The following CLCN7 variants were observed in gnomAD, a reference collection of about 807,000 sequenced individuals.
The protein encoded by CLCN7 is Cl-/H+ antiporter 7.
CLCN7 carries 60 observed loss-of-function variants against 102.1 expected under a neutral mutation model. The observed-to-expected ratio is 0.59, with a 90% CI of 0.48 to 0.73. CLCN7 has a LOEUF of 0.73. Among genes scored for constraint, CLCN7 ranks in the 30% least tolerant of loss-of-function variants. CLCN7 has a pLI of 0.00. For missense variants in CLCN7, 962 were observed against 1,125.7 expected (o/e 0.85, Z 2.08); for synonymous variants, 560 against 490.5 (o/e 1.14, Z -1.87).
intron 1 of CLCN7, among the ~76,000 whole-genome samples, chr16:1,468,909 G>C (rs1240790077): frequency 6.6e-6 from 1 of 152,028 alleles, no homozygotes; most frequent in South Asian, 2.1e-4. Flanking sequence ...GTCAAAAAAG[G>C]GCTGGGCACA....
intron 1 of CLCN7, 65 bp from the exon 2 acceptor site, chr16:1,465,403 C>A: frequency 7.0e-7 from 1 of 1,429,200 alleles, no homozygotes; most frequent in Non-Finnish European, 9.7e-7. Flanking sequence ...TGGATTCTCA[C>A]TCCCGCCGCC....
chr16:1,464,893 G>A (rs925080070), intron 2 of CLCN7, among the ~76,000 whole-genome samples: 2 of 152,156 alleles, frequency 1.3e-5, no homozygotes, highest in African/African-American at 4.8e-5. Context: ...CCACTGGCAC[G>A]GGAACATCTA....
In CLCN7 at chr16:1,451,684, C is replaced by T. The variant is rs1194051738; in HGVS notation, c.1386G>A (p.Met462Ile). The T allele has an allele frequency of 1.9e-6, 3 of 1,612,884 alleles. No homozygotes were observed. Among genetic ancestry groups the T allele is most frequent in the Non-Finnish European group, 2.5e-6 (3 of 1,179,952 alleles). ...CCGGGGTGTTGAAGAAGGCCGCAGC[C>T]ATGGAGTTGTACTCGCCATCTGCAC... ...LFCADGEYNS[M>I]AAAFFNTPEK... The change falls in exon 16 of 25, where the codon ATG becomes ATA. Residue 462 changes from methionine to isoleucine, a missense_variant. Transcript: ENST00000382745.
rs530382743 is a variant in CLCN7, at chr16:1,464,259, C to T, written c.213+1008G>A. The stretch of plus-strand genomic sequence containing the variant: ...AGTTTAAAAATGAGCATAACCAACA[C>T]GCGTGTGGCCGGCCAGGCACCCGCT... On this transcript the variant is annotated intron_variant, in intron 2 of 24. Transcript: ENST00000382745. Among the ~76,000 whole-genome samples the T allele has an allele frequency of 3.9e-5, 6 of 152,314 alleles. No homozygotes were observed. In the East Asian group the frequency reaches 9.7e-4, roughly 25 times the overall value.
chr16:1,462,683 A>AAAAAAAAAAAAAC (rs1471363912), intron 2 of CLCN7, among the ~76,000 whole-genome samples: 28 of 151,064 alleles, frequency 1.9e-4, no homozygotes, highest in African/African-American at 6.4e-4. Flanking sequence ...AAAAAAAAAA[A>AAAAAAAAAAAAAC]AAAACCAGGC....
At chr16:1,468,832 C>T (rs1014557619) in intron 1 of CLCN7, among the ~76,000 whole-genome samples, 13 of 152,080 alleles carry the variant, frequency 8.5e-5, no homozygotes, top group Non-Finnish European at 1.8e-4. Context: ...GGGGGAAACT[C>T]GGTGAAGGGT....
At chr16:1,450,883 T>C (rs1459689598) in intron 16 of CLCN7, among the ~76,000 whole-genome samples, 1 of 124,920 alleles carries the variant, frequency 8.0e-6, no homozygotes, top group Non-Finnish European at 1.8e-5. Context: ...GGGAAGAGGC[T>C]CTGCGGGGCC....
intron 14 of CLCN7, among the ~76,000 whole-genome samples, chr16:1,453,427 GT>G (rs1484783865): frequency 6.6e-6 from 1 of 152,172 alleles, no homozygotes; most frequent in Non-Finnish European, 1.5e-5. Context: ...GGCGCTACCC[GT>G]GCCCCGGCTG....
chr16:1,473,099 A>G (rs2039099667), intron 1 of CLCN7, among the ~76,000 whole-genome samples: 2 of 151,896 alleles, frequency 1.3e-5, no homozygotes, highest in Non-Finnish European at 2.9e-5. Flanking sequence ...ACACACACAC[A>G]CACACAGAGG....
Position 1,451,703 on chromosome 16 carries a change from T to C in CLCN7, c.1367A>G (p.Asp456Gly), listed in dbSNP as rs2038754409. The C allele has an allele frequency of 1.2e-6, 2 of 1,612,532 alleles. No individual in the cohort carries two copies. Among genetic ancestry groups the C allele is most frequent in the Non-Finnish European group, 1.7e-6 (2 of 1,179,880 alleles). The change falls in exon 16 of 25, where the codon GAT becomes GGT. Residue 456 changes from aspartate to glycine, a missense_variant. Asp to Gly is a moderately conservative substitution (Grantham distance 94, BLOSUM62 -1). Around this residue, in one of 2 missense-constraint regions of CLCN7, gnomAD observed 799 missense variants for 988.0 expected, o/e 0.81. Coordinates refer to ENST00000382745, the MANE Select transcript of CLCN7 (RefSeq NM_001287.6). Reference sequence around the variant, plus strand: ...CGCAGCCATGGAGTTGTACTCGCCATCTGCACAAAAGAGCTGTGGGGTCGG... The same window carrying C: ...CGCAGCCATGGAGTTGTACTCGCCACCTGCACAAAAGAGCTGTGGGGTCGG... ...MSYPLQLFCA[D>G]GEYNSMAAAF...
At chr16:1,447,615 G>A (rs1318940445) in intron 22 of CLCN7, 40 bp downstream of exon 22, 29 of 1,551,624 alleles carry the variant, frequency 1.9e-5, no homozygotes, top group Non-Finnish European at 2.1e-5. Context: ...AGCACCCCCG[G>A]GGCCCCCACC....
chr16:1,455,976 C>T (rs755545633), intron 10 of CLCN7, 137 bp downstream of exon 10: 59 of 988,666 alleles, frequency 6.0e-5, no homozygotes, highest in Non-Finnish European at 7.3e-5. Context: ...AGTACACTGC[C>T]GGCCGCTTCC....
In CLCN7 at chr16:1,453,878, T is replaced by A. The variant is rs2235579; in HGVS notation, c.1170A>T (p.Ala390=). The A allele has an allele frequency of 0.51, 827,449 of 1,612,790 alleles. 214,127 individuals are homozygous for A. The highest frequency in any genetic ancestry group is 0.7 in the East Asian group (31,430 of 44,866). ...AMGVVGGVLG[A]VFNALNYWLT... is the part of the protein sequence containing the mutation. The stretch of plus-strand genomic sequence containing the variant: ...GCCAGTAGTTCAAGGCATTGAACAC[T>A]GCTCCAAGCACACCGCCTGCGAACA... Residue 390 remains alanine (A), a synonymous_variant, in exon 14 of 25, where the codon GCA becomes GCT. Transcript: ENST00000382745.
At chr16:1,461,024 C>A in intron 4 of CLCN7, 76 bp from the exon 5 acceptor site, 1 of 1,562,354 alleles carries the variant, frequency 6.4e-7, no homozygotes, top group Non-Finnish European at 8.7e-7. Context: ...ACCGCCCAGA[C>A]CGCCTGCAGG....
At chr16:1,474,276 C>A (rs2039119476) in intron 1 of CLCN7, 2 of 449,608 alleles carry the variant, frequency 4.4e-6, no homozygotes, top group South Asian at 3.1e-5. Context: ...AGACTGAGTA[C>A]AAATACTCGT....
At chr16:1,448,103 G>A (rs186449953) in intron 21 of CLCN7, among the ~76,000 whole-genome samples, 72 of 152,232 alleles carry the variant, frequency 4.7e-4, no homozygotes, top group African/African-American at 1.6e-3. Flanking sequence ...ACAAAGTCAC[G>A]GCCCCCAGTG....
At chr16:1,462,365 CTTTTTTTTTTTT>C (rs59931924) in intron 2 of CLCN7, among the ~76,000 whole-genome samples, 25 of 80,612 alleles carry the variant, frequency 3.1e-4, no homozygotes, top group African/African-American at 1.0e-3. Flanking sequence ...CCTCATCTGT[CTTTTTTTTTTTT>C]TTTTTTTTTT....
chr16:1,454,920 G>C (rs982973571), intron 12 of CLCN7, among the ~76,000 whole-genome samples: 11 of 152,224 alleles, frequency 7.2e-5, no homozygotes, highest in African/African-American at 2.2e-4. Flanking sequence ...TGACATCCCA[G>C]GTGCCCTGCT....
At position 1,446,035 on chromosome 16, in the gene CLCN7, T is replaced by G. The variant is rs1184767659; in HGVS notation, c.*596A>C. The G allele has an allele frequency of 3.6e-6, 2 of 552,890 alleles. No homozygotes were observed. The highest frequency in any genetic ancestry group is 6.4e-6 in the Non-Finnish European group (2 of 312,862). The allele number at this position is 552,890 out of a possible 1,614,324, so 34.2% of individuals were successfully genotyped here. Reference sequence around the variant, plus strand: ...CCCAAGCCGGATGCAGGCCGGGGAGTGCACGTGGGGCTCCTCTGTGGCGCC... The same window carrying G: ...CCCAAGCCGGATGCAGGCCGGGGAGGGCACGTGGGGCTCCTCTGTGGCGCC... On this transcript the variant is annotated 3_prime_UTR_variant, in exon 25 of 25. Transcript: ENST00000382745.
Sources: gnomAD v4.1 joint callset for allele counts (sites outside exome capture counted in the v4.1 genomes callset) on GRCh38, gnomAD v4.1.1 for gene constraint, gnomAD v4.1.1 regional missense constraint, MANE v1.5 for transcripts, NCBI Gene and HGNC (gene_info 2026-07-23, HGNC 2026-07-21) for gene names.